CSMD3: variants seen among roughly 807,000 people sequenced by gnomAD.
CSMD3 encodes the protein CUB and Sushi multiple domains 3.
A neutral mutation model predicts 435.2 loss-of-function variants in CSMD3; 177 were observed. The observed-to-expected ratio is 0.41, with a 90% CI of 0.36 to 0.46. The LOEUF (loss-of-function observed/expected upper bound fraction) is 0.46. CSMD3 is among the 20% of genes least tolerant of loss of function. CSMD3 has a pLI of 0.34. For missense variants in CSMD3, 4,265 were observed against 4,504.6 expected (o/e 0.95, Z 1.52); for synonymous variants, 1,656 against 1,520.5 (o/e 1.09, Z -2.07).
At chr8:113,288,542 T>C (rs2132514576) in intron 2 of CSMD3, among the ~76,000 whole-genome samples, 1 of 151,978 alleles carries the variant, frequency 6.6e-6, no homozygotes, top group Non-Finnish European at 1.5e-5. Context: ...ATAACTGACG[T>C]TTAAGGTTAT....
intron 3 of CSMD3, among the ~76,000 whole-genome samples, chr8:113,209,677 T>C (rs978358196): frequency 6.6e-6 from 1 of 152,148 alleles, no homozygotes; most frequent in African/African-American, 2.4e-5. Flanking sequence ...GTCTTCCTTA[T>C]TGATGAAGCA....
chr8:112,699,189 C>T (rs1223873902), intron 13 of CSMD3, among the ~76,000 whole-genome samples: 1 of 152,132 alleles, frequency 6.6e-6, no homozygotes, highest in Non-Finnish European at 1.5e-5. Context: ...GCTGCTCACT[C>T]TTCGGGTCCG....
intron 22 of CSMD3, among the ~76,000 whole-genome samples, chr8:112,612,257 A>G (rs1833315969): frequency 6.6e-6 from 1 of 152,240 alleles, no homozygotes; most frequent in African/African-American, 2.4e-5. Context: ...ATATATGAAC[A>G]CTAAATTTTA....
intron 27 of CSMD3, among the ~76,000 whole-genome samples, chr8:112,548,839 G>A (rs1375775233): frequency 6.6e-6 from 1 of 151,922 alleles, no homozygotes; most frequent in East Asian, 1.9e-4. Context: ...TTAAGGCTCA[G>A]ATCAAATTTC....
chr8:112,733,021 C>A (rs189681347), intron 13 of CSMD3, among the ~76,000 whole-genome samples: 342 of 152,150 alleles, frequency 2.2e-3, no homozygotes, highest in African/African-American at 8.0e-3. Context: ...TTAAAACACA[C>A]AATAATTTTT....
chr8:112,267,446 T>G (rs1817055617), intron 59 of CSMD3, among the ~76,000 whole-genome samples: 3 of 152,150 alleles, frequency 2.0e-5, no homozygotes, highest in African/African-American at 7.2e-5. Context: ...ATTCTACTCA[T>G]GTACCGACAA....
At chr8:112,474,249 A>G (rs1818820319) in intron 31 of CSMD3, among the ~76,000 whole-genome samples, 1 of 152,202 alleles carries the variant, frequency 6.6e-6, no homozygotes. Context: ...CAAAGCCCAA[A>G]ATAGTATCTG....
intron 35 of CSMD3, among the ~76,000 whole-genome samples, chr8:112,398,405 T>A (rs1380762495): frequency 6.6e-6 from 1 of 152,168 alleles, no homozygotes; most frequent in Non-Finnish European, 1.5e-5. Context: ...GGCTCTACTG[T>A]TTCATGATCA....
chr8:112,867,339 C>A (rs1260448816), intron 10 of CSMD3, among the ~76,000 whole-genome samples: 1 of 152,142 alleles, frequency 6.6e-6, no homozygotes, highest in African/African-American at 2.4e-5. Flanking sequence ...GCATATCATT[C>A]CCCTCAAATA....
intron 4 of CSMD3, among the ~76,000 whole-genome samples, chr8:113,167,924 T>C (rs1205581192): frequency 6.6e-6 from 1 of 152,192 alleles, no homozygotes; most frequent in Non-Finnish European, 1.5e-5. Flanking sequence ...GCAAGTGTGG[T>C]GGTGGAACTC....
intron 5 of CSMD3, among the ~76,000 whole-genome samples, chr8:113,067,289 G>A (rs541441709): frequency 1.3e-5 from 2 of 152,172 alleles, no homozygotes; most frequent in South Asian, 2.1e-4. Flanking sequence ...TGCAAGAATC[G>A]AAGTTAGTGT....
chr8:113,389,934 G>A (rs2094454651), intron 1 of CSMD3, among the ~76,000 whole-genome samples: 1 of 151,654 alleles, frequency 6.6e-6, no homozygotes, highest in Non-Finnish European at 1.5e-5. Context: ...GACTGACTCA[G>A]TATTTAATAA....
At chr8:112,976,984 ATAT>A (rs1379368285) in intron 6 of CSMD3, among the ~76,000 whole-genome samples, 2 of 152,060 alleles carry the variant, frequency 1.3e-5, no homozygotes, top group African/African-American at 4.8e-5. Flanking sequence ...TGTGTGTATA[ATAT>A]TACCACATTT....
intron 4 of CSMD3, among the ~76,000 whole-genome samples, chr8:113,130,892 G>T (rs989963367): frequency 2.0e-5 from 3 of 152,144 alleles, no homozygotes; most frequent in African/African-American, 7.2e-5. Flanking sequence ...CTGGAGCAAG[G>T]CCGCTCTTGC....
chr8:112,507,036 A>G (rs1586551027), intron 28 of CSMD3, among the ~76,000 whole-genome samples: 2 of 152,262 alleles, frequency 1.3e-5, no homozygotes, highest in East Asian at 3.9e-4. Flanking sequence ...GATACATAAA[A>G]TTTAGCTGCT....
intron 13 of CSMD3, among the ~76,000 whole-genome samples, chr8:112,726,753 A>G (rs2076973752): frequency 6.6e-6 from 1 of 151,910 alleles, no homozygotes; most frequent in East Asian, 1.9e-4. Flanking sequence ...AATGAAAGAT[A>G]ATCCAAATAC....
intron 16 of CSMD3, among the ~76,000 whole-genome samples, chr8:112,679,048 C>T (rs1362499789): frequency 6.8e-6 from 1 of 147,820 alleles, no homozygotes; most frequent in Non-Finnish European, 1.5e-5. Flanking sequence ...GTGGGAGTGG[C>T]TCTGGAAGTT....
chr8:112,641,330 A>G (rs2074819378), intron 20 of CSMD3, among the ~76,000 whole-genome samples: 1 of 152,186 alleles, frequency 6.6e-6, no homozygotes, highest in South Asian at 2.1e-4. Context: ...AAATAAGAAA[A>G]TGATCCTGAG....
intron 13 of CSMD3, among the ~76,000 whole-genome samples, chr8:112,751,057 G>A (rs950625988): frequency 4.4e-5 from 6 of 137,336 alleles, no homozygotes; most frequent in African/African-American, 1.7e-4. Context: ...AGGGATGACA[G>A]TATAGTAGCT....
Sources: allele counts gnomAD v4.1 joint callset (sites outside exome capture counted in the v4.1 genomes callset), GRCh38; gene constraint gnomAD v4.1.1; transcripts MANE v1.5; gene names NCBI Gene and HGNC (gene_info 2026-07-23, HGNC 2026-07-21).